Variants in USH2A observed in about 807,000 individuals in gnomAD.
USH2A encodes the protein usherin, also known as Usher syndrome 2A (autosomal recessive, mild).
USH2A carries 443 observed loss-of-function variants against 538.9 expected under a neutral mutation model. The ratio of observed to expected loss-of-function variants is 0.82; its 90% CI spans 0.76 to 0.89. USH2A has a LOEUF of 0.89. Among genes scored for constraint, USH2A ranks in the 40% least tolerant of loss-of-function variants. The pLI is 0.00. For missense variants in USH2A, 6,633 were observed against 6,324.8 expected, an observed-to-expected ratio of 1.05 and a Z score of -1.65; for synonymous variants, 2,413 against 2,273.5, an observed-to-expected ratio of 1.06 and a Z score of -1.75.
At chr1:216,034,865 T>G (rs558288606) in intron 32 of USH2A, among the ~76,000 whole-genome samples, 1 of 152,282 alleles carries the variant, frequency 6.6e-6, no homozygotes, top group Admixed American at 6.5e-5. Flanking sequence ...ATTTCTATTG[T>G]GTTAAGGCAT....
intron 11 of USH2A, among the ~76,000 whole-genome samples, chr1:216,259,477 T>C (rs1330025016): frequency 1.3e-5 from 2 of 152,112 alleles, no homozygotes; most frequent in African/African-American, 2.4e-5. Context: ...TGTAGGTATA[T>C]ATCCTATTGT....
intron 64 of USH2A, among the ~76,000 whole-genome samples, chr1:215,663,886 T>C (rs1003385346): frequency 3.9e-5 from 6 of 152,118 alleles, no homozygotes; most frequent in African/African-American, 1.2e-4. Context: ...ACAAGAAAAC[T>C]GATGCACAGA....
At chr1:215,964,399 A>G (rs1461266260) in intron 37 of USH2A, among the ~76,000 whole-genome samples, 1 of 152,044 alleles carries the variant, frequency 6.6e-6, no homozygotes, top group Non-Finnish European at 1.5e-5. Context: ...TACACAAATA[A>G]CCACCCTTTT....
intron 61 of USH2A, among the ~76,000 whole-genome samples, chr1:215,723,332 C>T (rs1659717036): frequency 6.6e-6 from 1 of 152,166 alleles, no homozygotes; most frequent in Non-Finnish European, 1.5e-5. Flanking sequence ...AACACATACG[C>T]TTCTCACCCC....
At chr1:216,303,362 A>G (rs2037250260) in intron 9 of USH2A, among the ~76,000 whole-genome samples, 1 of 151,996 alleles carries the variant, frequency 6.6e-6, no homozygotes, top group Non-Finnish European at 1.5e-5. Context: ...TTCATTCATT[A>G]TATTAATATG....
intron 32 of USH2A, among the ~76,000 whole-genome samples, chr1:216,031,883 C>T (rs1458973498): frequency 1.3e-5 from 2 of 152,142 alleles, no homozygotes; most frequent in African/African-American, 4.8e-5. Context: ...AACCATGGTC[C>T]TTATGTTTGC....
intron 44 of USH2A, among the ~76,000 whole-genome samples, chr1:215,857,284 A>G (rs1283197737): frequency 1.3e-5 from 2 of 152,200 alleles, no homozygotes; most frequent in Admixed American, 6.5e-5. Context: ...AATAAGATAG[A>G]AAACATGGAA....
intron 61 of USH2A, among the ~76,000 whole-genome samples, chr1:215,696,981 C>G (rs915900883): frequency 1.3e-5 from 2 of 151,888 alleles, no homozygotes; most frequent in Admixed American, 1.3e-4. Flanking sequence ...GAGACAGGGT[C>G]TTACTTTGAC....
chr1:216,340,536 CAA>C (rs58985032), intron 4 of USH2A, among the ~76,000 whole-genome samples: 11 of 119,860 alleles, frequency 9.2e-5, no homozygotes, highest in East Asian at 5.3e-4. Context: ...AGAGACATGA[CAA>C]AAAAAAAAAA....
rs376669318 is a variant in USH2A, at chr1:216,048,601, T to C, written c.6096A>G (p.Leu2032=). 4.2e-5 allele frequency: 67 copies of C among 1,614,096 alleles called. No homozygotes were observed. Among genetic ancestry groups the C allele is most frequent in the South Asian group, 3.2e-4 (29 of 91,084 alleles). Residue 2032 remains leucine (L), a synonymous_variant, in exon 31 of 72, where the codon CTA becomes CTG. Coordinates refer to ENST00000307340, the MANE Select transcript of USH2A (RefSeq NM_206933.4). ...TACAGCCAGCCAAAGTGCAAGCAGT[T>C]AGGGTTACTGCATAGTTTTTGAAGG... ...LLPFKNYAVT[L]TACTLAGCTE...
intron 62 of USH2A, among the ~76,000 whole-genome samples, chr1:215,677,148 A>G (rs1658059480): frequency 6.6e-6 from 1 of 152,006 alleles, no homozygotes; most frequent in South Asian, 2.1e-4. Context: ...ATATATTCTG[A>G]CCTCTGTATC....
intron 61 of USH2A, 45 bp downstream of exon 61, chr1:215,727,985 T>A (rs770491114): frequency 8.2e-6 from 13 of 1,585,864 alleles, no homozygotes; most frequent in Non-Finnish European, 1.0e-5. Context: ...TTCAACGTAT[T>A]CACCAGATAA....
At chr1:215,626,657 C>G (rs1313025484) in intron 71 of USH2A, among the ~76,000 whole-genome samples, 2 of 151,994 alleles carry the variant, frequency 1.3e-5, no homozygotes, top group African/African-American at 2.4e-5. Context: ...AAAAAGCAAG[C>G]AAAAATGACA....
At chr1:215,802,756 G>A (rs529717179) in intron 49 of USH2A, among the ~76,000 whole-genome samples, 1 of 151,992 alleles carries the variant, frequency 6.6e-6, no homozygotes, top group Non-Finnish European at 1.5e-5. Flanking sequence ...CCACTTCTGG[G>A]TATAAACCCA....
At position 215,710,436 on chromosome 1, in the gene USH2A, C is replaced by A. The variant is rs75559665; in HGVS notation, c.12066+17594G>T. Among the ~76,000 whole-genome samples, 166 of 152,282 alleles carry A rather than the reference C, an allele frequency of 1.1e-3. 7 individuals are homozygous for A. The East Asian group carries it at 0.029, about 27-fold the overall frequency. On this transcript the variant is annotated intron_variant, in intron 61 of 71. Transcript: ENST00000307340. ...GGCTACTTCCACACTTGCAATCATT[C>A]TAGTACAAGCAGGGGCAAAGATTTT...
chr1:215,908,303 C>T (rs902181266), intron 38 of USH2A, among the ~76,000 whole-genome samples: 2 of 151,804 alleles, frequency 1.3e-5, no homozygotes, highest in Admixed American at 1.3e-4. Flanking sequence ...TAACATAAAC[C>T]ATTTGAGAGC....
At chr1:216,386,262 C>T (rs2039002207) in intron 3 of USH2A, among the ~76,000 whole-genome samples, 1 of 151,860 alleles carries the variant, frequency 6.6e-6, no homozygotes, top group East Asian at 1.9e-4. Context: ...CTTTGGGAGG[C>T]TAAGGCAGGC....
At chr1:216,191,251 G>A (rs915871154) in intron 19 of USH2A, among the ~76,000 whole-genome samples, 2 of 151,968 alleles carry the variant, frequency 1.3e-5, no homozygotes, top group Admixed American at 6.6e-5. Context: ...CTGATACATA[G>A]TCATATAAAA....
At chr1:216,086,386 G>A (rs931020730) in intron 24 of USH2A, among the ~76,000 whole-genome samples, 3 of 151,992 alleles carry the variant, frequency 2.0e-5, no homozygotes, top group Non-Finnish European at 4.4e-5. Context: ...TTCCATTTCT[G>A]TGTTGTTTCA....
Sources: allele counts gnomAD v4.1 joint callset (sites outside exome capture counted in the v4.1 genomes callset), GRCh38; gene constraint gnomAD v4.1.1; transcripts MANE v1.5; gene names NCBI Gene and HGNC (gene_info 2026-07-23, HGNC 2026-07-21).